Variants in AHCYL2 observed in about 807,000 individuals in gnomAD.
AHCYL2 encodes adenosylhomocysteinase like 2.
Under a neutral mutation model 81.4 loss-of-function variants are expected in AHCYL2, and 28 were observed. That is an observed-to-expected ratio of 0.34 (90% CI 0.25 to 0.47). AHCYL2 has a LOEUF of 0.47. AHCYL2 is among the 20% of genes least tolerant of loss of function. The pLI is 1.00. For missense variants in AHCYL2, 551 were observed against 785.1 expected, an observed-to-expected ratio of 0.70 and a Z score of 3.56; for synonymous variants, 272 against 290.2, an observed-to-expected ratio of 0.94 and a Z score of 0.64.
intron 1 of AHCYL2, among the ~76,000 whole-genome samples, chr7:129,240,437 T>C (rs1794813359): frequency 6.6e-6 from 1 of 152,008 alleles, no homozygotes; most frequent in Non-Finnish European, 1.5e-5. Context: ...TCCACAGTTA[T>C]TTTGAGGAGA....
intron 1 of AHCYL2, among the ~76,000 whole-genome samples, chr7:129,326,972 T>G (rs1798247911): frequency 6.6e-6 from 1 of 152,078 alleles, no homozygotes; most frequent in Admixed American, 6.5e-5. Flanking sequence ...TAGAGGAAGG[T>G]GGTTTAGAGA....
chr7:129,347,173 G>A (rs553895800), intron 1 of AHCYL2, among the ~76,000 whole-genome samples: 1 of 152,176 alleles, frequency 6.6e-6, no homozygotes, highest in South Asian at 2.1e-4. Flanking sequence ...TTTTAGGGCC[G>A]TGAAATCATC....
At chr7:129,423,045 C>A in intron 13 of AHCYL2, 107 bp downstream of exon 13, 1 of 798,986 alleles carries the variant, frequency 1.3e-6, no homozygotes, top group Non-Finnish European at 2.0e-6. Context: ...CTGTTAAGCA[C>A]AAGTTTGACT....
In AHCYL2 at chr7:129,365,894, G is replaced by A. The variant is rs184982432; in HGVS notation, c.364-13744G>A. Among the ~76,000 whole-genome samples, 215 of 151,930 alleles carry A rather than the reference G, an allele frequency of 1.4e-3. 2 individuals carry two copies. The highest frequency in any genetic ancestry group is 0.014 in the Middle Eastern group (4 of 294). On this transcript the variant is annotated intron_variant, in intron 1 of 16. Transcript: ENST00000325006. ...AAGAAAGTGTTGTTTGGAGGGGGGC[G>A]GGAAAGGAAAGACAGCAATAATGTT...
intron 2 of AHCYL2, 24 bp from the exon 3 acceptor site, chr7:129,389,032 G>A (rs376155056): frequency 7.6e-6 from 12 of 1,582,952 alleles, no homozygotes; most frequent in Non-Finnish European, 9.4e-6. Flanking sequence ...TTTTTTCCGA[G>A]TGTTTTTTAT....
rs558874914 is a variant in AHCYL2, at chr7:129,242,051, G to A, written c.363+16612G>A. ...ATTGTATGTCAGCAGATAATATATA[G>A]CATTGTTTTGTTTATAAACTTTACA... On this transcript the variant is annotated intron_variant, in intron 1 of 16. Transcript: ENST00000325006. Among the ~76,000 whole-genome samples the A allele has an allele frequency of 2.0e-5, 3 of 152,022 alleles. 1 individual carries two copies. The highest frequency in any genetic ancestry group is 7.2e-5 in the African/African-American group (3 of 41,470).
At chr7:129,340,446 T>G (rs1297943669) in intron 1 of AHCYL2, among the ~76,000 whole-genome samples, 1 of 151,038 alleles carries the variant, frequency 6.6e-6, no homozygotes, top group Non-Finnish European at 1.5e-5. Context: ...CAGTTGCCTA[T>G]AGTCCCAGCT....
At chr7:129,245,116 C>G (rs1026643162) in intron 1 of AHCYL2, among the ~76,000 whole-genome samples, 1 of 150,514 alleles carries the variant, frequency 6.6e-6, no homozygotes, top group Non-Finnish European at 1.5e-5. Context: ...TCTCCGCCTC[C>G]TGGGCTCAAG....
At chr7:129,384,033 T>C (rs149581604) in intron 2 of AHCYL2, among the ~76,000 whole-genome samples, 9 of 152,160 alleles carry the variant, frequency 5.9e-5, no homozygotes, top group African/African-American at 1.9e-4. Context: ...ATAATGCATA[T>C]GTTAATTATC....
At chr7:129,390,635 A>G (rs1795423319) in intron 4 of AHCYL2, among the ~76,000 whole-genome samples, 1 of 152,222 alleles carries the variant, frequency 6.6e-6, no homozygotes, top group South Asian at 2.1e-4. Flanking sequence ...CCTCCTCAGT[A>G]TGCTTACTTC....
At chr7:129,351,168 T>A (rs956205793) in intron 1 of AHCYL2, among the ~76,000 whole-genome samples, 1 of 152,198 alleles carries the variant, frequency 6.6e-6, no homozygotes, top group Admixed American at 6.5e-5. Context: ...TTAAAACAAG[T>A]CAAAGATATA....
chr7:129,347,854 GTTTAC>G (rs1316876201), intron 1 of AHCYL2, among the ~76,000 whole-genome samples: 1 of 152,082 alleles, frequency 6.6e-6, no homozygotes, highest in Non-Finnish European at 1.5e-5. Flanking sequence ...CCCTTACCTT[GTTTAC>G]TTTACACCCA....
chr7:129,416,964 A>G (rs889599823), intron 12 of AHCYL2, among the ~76,000 whole-genome samples: 2 of 152,038 alleles, frequency 1.3e-5, no homozygotes, highest in African/African-American at 4.8e-5. Context: ...CAAAAAATAA[A>G]AAAACAAAAC....
At chr7:129,275,216 C>G (rs917503307) in intron 1 of AHCYL2, among the ~76,000 whole-genome samples, 1 of 152,024 alleles carries the variant, frequency 6.6e-6, no homozygotes, top group African/African-American at 2.4e-5. Context: ...AACCCAATCT[C>G]TACTAAAAAT....
chr7:129,254,683 G>T (rs548128285), intron 1 of AHCYL2, among the ~76,000 whole-genome samples: 1 of 152,264 alleles, frequency 6.6e-6, no homozygotes, highest in South Asian at 2.1e-4. Context: ...TTAAGCTGTG[G>T]ATCACTTTGG....
At chr7:129,295,714 A>G (rs1797030974) in intron 1 of AHCYL2, among the ~76,000 whole-genome samples, 1 of 152,246 alleles carries the variant, frequency 6.6e-6, no homozygotes, top group Non-Finnish European at 1.5e-5. Context: ...AAGGCCGTGA[A>G]TGGCCAGAGA....
intron 12 of AHCYL2, among the ~76,000 whole-genome samples, chr7:129,415,794 TA>T (rs932866149): frequency 6.6e-6 from 1 of 150,424 alleles, no homozygotes; most frequent in African/African-American, 2.4e-5. Flanking sequence ...CTATAAAAAA[TA>T]AAAAAAAACA....
chr7:129,322,716 C>T (rs977511386), intron 1 of AHCYL2, among the ~76,000 whole-genome samples: 11 of 152,238 alleles, frequency 7.2e-5, no homozygotes, highest in South Asian at 2.1e-4. Flanking sequence ...TTCACCCTCC[C>T]GAGTAGCTGG....
chr7:129,233,868 G>T lies in AHCYL2; in HGVS notation c.363+8429G>T, dbSNP rs556145820. 1.6e-4 allele frequency among the ~76,000 whole-genome samples: 24 copies of T among 152,166 alleles called. 1 individual carries two copies. The East Asian group carries it at 1.9e-3, about 12-fold the overall frequency. The stretch of plus-strand genomic sequence containing the variant: ...ATTATAAAAATGGAAGCTGCTGAAT[G>T]GGAATTCCTTCATTCTTTTACCTCC... On this transcript the variant is annotated intron_variant, in intron 1 of 16. Coordinates refer to ENST00000325006, the MANE Select transcript of AHCYL2 (RefSeq NM_015328.4).
Sources: allele counts gnomAD v4.1 joint callset (sites outside exome capture counted in the v4.1 genomes callset), GRCh38; gene constraint gnomAD v4.1.1; transcripts MANE v1.5; gene names NCBI Gene and HGNC (gene_info 2026-07-23, HGNC 2026-07-21).